PLCB4: variants seen among roughly 807,000 people sequenced by gnomAD.
PLCB4 encodes the protein phospholipase C beta 4, also known as 1-phosphatidylinositol 4,5-bisphosphate phosphodiesterase beta-4.
PLCB4 carries 77 observed loss-of-function variants against 178.8 expected under a neutral mutation model. The ratio of observed to expected loss-of-function variants is 0.43; its 90% CI spans 0.36 to 0.52. The LOEUF is 0.52. PLCB4 is among the 20% of genes least tolerant of loss of function. The pLI is 0.00. For synonymous variants in PLCB4, 496 were observed against 490.8 expected, an observed-to-expected ratio of 1.01 and a Z score of -0.14; for missense variants, 1,024 against 1,453.4, an observed-to-expected ratio of 0.70 and a Z score of 4.80.
chr20:9,367,710 C>G (rs1471910086), intron 9 of PLCB4, among the ~76,000 whole-genome samples: 1 of 152,178 alleles, frequency 6.6e-6, no homozygotes, highest in Non-Finnish European at 1.5e-5. Flanking sequence ...CACTTCTAAC[C>G]AGCAGTCTTG....
rs371296311 is a variant in PLCB4, at chr20:9,243,215, T to C, written c.-16+25763T>C. On this transcript the variant is annotated intron_variant, in intron 3 of 39. Coordinates refer to ENST00000378473, the MANE Select transcript of PLCB4 (RefSeq NM_001377142.1). The stretch of plus-strand genomic sequence containing the variant: ...AAGAACATCAAGATTGTTAATAGAA[T>C]AGAAATTCTAGAGAGAAAGGTTAAA... 6.6e-5 allele frequency among the ~76,000 whole-genome samples: 10 copies of C among 152,176 alleles called. No individual in the cohort carries two copies. In the South Asian group the frequency reaches 1.5e-3, roughly 22 times the overall value.
intron 2 of PLCB4, among the ~76,000 whole-genome samples, chr20:9,119,196 T>C (rs2091880002): frequency 6.6e-6 from 1 of 152,172 alleles, no homozygotes; most frequent in South Asian, 2.1e-4. Flanking sequence ...TTAATGTGTA[T>C]TTCTCTAGGT....
At chr20:9,105,523 A>G (rs73895552) in intron 2 of PLCB4, among the ~76,000 whole-genome samples, 1,651 of 152,244 alleles carry the variant, frequency 0.011, 27 homozygotes, top group African/African-American at 0.037. Context: ...TCTCAGAATT[A>G]CAAGAAATAC....
At chr20:9,421,905 C>G (rs907628367) in intron 27 of PLCB4, among the ~76,000 whole-genome samples, 3 of 152,178 alleles carry the variant, frequency 2.0e-5, no homozygotes, top group African/African-American at 7.2e-5. Context: ...AGAGTGACAC[C>G]TGTTGCCTAC....
chr20:9,082,910 G>A (rs6140853), intron 1 of PLCB4, among the ~76,000 whole-genome samples: 74,072 of 151,966 alleles, frequency 0.49, 18,550 homozygotes, highest in Middle Eastern at 0.57. Flanking sequence ...CCTGGCAGTG[G>A]CTCTGCCAGA....
At chr20:9,225,907 G>A (rs2093859003) in intron 3 of PLCB4, among the ~76,000 whole-genome samples, 1 of 152,218 alleles carries the variant, frequency 6.6e-6, no homozygotes, top group Admixed American at 6.5e-5. Flanking sequence ...AGAAGAGCAG[G>A]CATCTTGTCT....
chr20:9,460,024 A>G (rs531935865), intron 35 of PLCB4, among the ~76,000 whole-genome samples: 2 of 152,156 alleles, frequency 1.3e-5, no homozygotes, highest in African/African-American at 4.8e-5. Context: ...CTGTAATCCC[A>G]GTGCTTTGAG....
At chr20:9,176,306 A>G (rs2093153738) in intron 2 of PLCB4, among the ~76,000 whole-genome samples, 1 of 152,192 alleles carries the variant, frequency 6.6e-6, no homozygotes, top group Non-Finnish European at 1.5e-5. Context: ...TCCTATGAAC[A>G]TTTGTGTACA....
intron 27 of PLCB4, among the ~76,000 whole-genome samples, chr20:9,423,252 G>T (rs6039464): frequency 0.087 from 13,313 of 152,224 alleles, 910 homozygotes; most frequent in East Asian, 0.24. Context: ...TATGCATGAA[G>T]CATTTATTCA....
intron 3 of PLCB4, among the ~76,000 whole-genome samples, chr20:9,246,965 A>G (rs2094132619): frequency 6.6e-6 from 1 of 152,202 alleles, no homozygotes; most frequent in East Asian, 1.9e-4. Flanking sequence ...ATGAATTGCA[A>G]TATAGTAACT....
At chr20:9,216,430 G>A (rs1193723050) in intron 2 of PLCB4, among the ~76,000 whole-genome samples, 2 of 152,030 alleles carry the variant, frequency 1.3e-5, no homozygotes, top group African/African-American at 4.8e-5. Context: ...TGTTAGCCAG[G>A]ATGGTCTTGA....
intron 2 of PLCB4, among the ~76,000 whole-genome samples, chr20:9,211,541 T>C (rs999979161): frequency 6.6e-6 from 1 of 152,226 alleles, no homozygotes; most frequent in African/African-American, 2.4e-5. Flanking sequence ...CCCCACTAGG[T>C]TCTAAACTTG....
intron 2 of PLCB4, among the ~76,000 whole-genome samples, chr20:9,185,018 G>C (rs558794877): frequency 3.5e-4 from 54 of 152,212 alleles, no homozygotes; most frequent in Non-Finnish European, 6.9e-4. Flanking sequence ...GACCACCTGG[G>C]CTCAAGCCAT....
intron 4 of PLCB4, among the ~76,000 whole-genome samples, chr20:9,312,604 C>T (rs1411288442): frequency 2.6e-5 from 4 of 152,088 alleles, no homozygotes; most frequent in Admixed American, 2.6e-4. Flanking sequence ...GCAGCCTACA[C>T]CCCACAGGCT....
chr20:9,246,666 C>T (rs1160605823), intron 3 of PLCB4, among the ~76,000 whole-genome samples: 1 of 151,866 alleles, frequency 6.6e-6, no homozygotes, highest in Non-Finnish European at 1.5e-5. Flanking sequence ...GTATGGGTCA[C>T]TCTGCTATCT....
intron 1 of PLCB4, among the ~76,000 whole-genome samples, chr20:9,086,791 G>A (rs2090445376): frequency 6.6e-6 from 1 of 152,182 alleles, no homozygotes; most frequent in Non-Finnish European, 1.5e-5. Context: ...AGGAAATTGG[G>A]AGAAGTGACT....
intron 9 of PLCB4, among the ~76,000 whole-genome samples, chr20:9,365,973 A>G (rs2035743153): frequency 6.6e-6 from 1 of 152,186 alleles, no homozygotes; most frequent in South Asian, 2.1e-4. Context: ...TGCTCAGGGC[A>G]GATGGGGATA....
At chr20:9,364,097 A>G (rs2035576746) in intron 8 of PLCB4, among the ~76,000 whole-genome samples, 1 of 152,036 alleles carries the variant, frequency 6.6e-6, no homozygotes, top group African/African-American at 2.4e-5. Context: ...ATTTTCTTTC[A>G]CCCTTTTAGT....
chr20:9,443,956 GA>G, intron 30 of PLCB4, 24 bp from the exon 31 acceptor site: 1 of 1,383,846 alleles, frequency 7.2e-7, no homozygotes, highest in Admixed American at 1.8e-5. Flanking sequence ...TATACATAGT[GA>G]CTTAATTTTT....
Sources: allele counts gnomAD v4.1 joint callset (sites outside exome capture counted in the v4.1 genomes callset), GRCh38; gene constraint gnomAD v4.1.1; transcripts MANE v1.5; gene names NCBI Gene and HGNC (gene_info 2026-07-23, HGNC 2026-07-21).